The following SNRK variants were observed in gnomAD, a reference collection of about 807,000 sequenced individuals.
SNRK encodes the protein SNF-related serine/threonine-protein kinase.
Under a neutral mutation model 48.2 loss-of-function variants are expected in SNRK, and 3 were observed. The ratio of observed to expected loss-of-function variants is 0.06; its 90% confidence interval spans 0.03 to 0.16. The LOEUF is 0.16. Ranked by LOEUF, SNRK falls within the 10% of genes least tolerant of loss-of-function variation. The pLI is 1.00. For missense variants in SNRK, 627 were observed against 976.0 expected (o/e 0.64, Z 4.76); for synonymous variants, 376 against 366.1 (o/e 1.03, Z -0.31).
chr3:43,305,831 G>A (rs2090933562), intron 3 of SNRK, among the ~76,000 whole-genome samples: 1 of 152,080 alleles, frequency 6.6e-6, no homozygotes, highest in South Asian at 2.1e-4. Context: ...GTTATATATT[G>A]TTTAGGAGTA....
intron 1 of SNRK, among the ~76,000 whole-genome samples, chr3:43,297,542 C>T (rs72863622): frequency 0.053 from 8,108 of 151,782 alleles, 590 homozygotes; most frequent in African/African-American, 0.17. Context: ...AAATGTAAAG[C>T]GATGTTATCA....
intron 3 of SNRK, among the ~76,000 whole-genome samples, chr3:43,309,612 G>GTTTTTTTTTTTTT (rs35398476): frequency 7.0e-6 from 1 of 143,196 alleles, no homozygotes; most frequent in Non-Finnish European, 1.5e-5. Context: ...TAGAAATAAG[G>GTTTTTTTTTTTTT]TTTTTTTTTT....
chr3:43,342,631 G>A (rs896622581), intron 5 of SNRK, among the ~76,000 whole-genome samples: 3 of 152,168 alleles, frequency 2.0e-5, no homozygotes, highest in South Asian at 2.1e-4. Context: ...TGTGGAATCC[G>A]CCAAAGCCAA....
Position 43,348,073 on chromosome 3 carries a change from G to A in SNRK, c.1814G>A (p.Gly605Glu), listed in dbSNP as rs927235415. Reference sequence around the variant, plus strand: ...AGCCCCAGTGAGAACAATGCTGGTGGGGGCAGTCCCTCCAGCGGCTCGGGT... The same window carrying A: ...AGCCCCAGTGAGAACAATGCTGGTGAGGGCAGTCCCTCCAGCGGCTCGGGT... Reference protein sequence around the residue: ...KASPSENNAGGGSPSSGSGGN... With the variant: ...KASPSENNAGEGSPSSGSGGN... The change falls in exon 7 of 7, where the codon GGG becomes GAG. Residue 605 changes from glycine (G) to glutamate (E), a missense_variant. By Grantham distance (98) the Gly-to-Glu change is moderately conservative. Coordinates refer to ENST00000296088, the MANE Select transcript of SNRK (RefSeq NM_017719.5). 6 of 1,598,994 alleles carry A rather than the reference G, an allele frequency of 3.8e-6. No individual in the cohort carries two copies. In the African/African-American group the frequency reaches 6.7e-5, roughly 18 times the overall value.
intron 3 of SNRK, among the ~76,000 whole-genome samples, chr3:43,304,471 CA>C (rs1363846838): frequency 6.6e-6 from 1 of 152,202 alleles, no homozygotes; most frequent in East Asian, 1.9e-4. Context: ...TCCCTCTCCA[CA>C]CACTTTGTGC....
chr3:43,294,279 G>A (rs2090835370), intron 1 of SNRK, among the ~76,000 whole-genome samples: 1 of 152,124 alleles, frequency 6.6e-6, no homozygotes, highest in Non-Finnish European at 1.5e-5. Flanking sequence ...AGCATCAGAA[G>A]TGTTTTGAAT....
At chr3:43,307,398 T>A (rs970089804) in intron 3 of SNRK, among the ~76,000 whole-genome samples, 1 of 152,216 alleles carries the variant, frequency 6.6e-6, no homozygotes, top group Non-Finnish European at 1.5e-5. Flanking sequence ...GTTTTTTTGT[T>A]TATTTACAAA....
intron 3 of SNRK, among the ~76,000 whole-genome samples, chr3:43,318,448 A>G (rs73831252): frequency 0.025 from 3,806 of 152,214 alleles, 160 homozygotes; most frequent in African/African-American, 0.084. Context: ...AACAGTAGCT[A>G]TTTTAGTACA....
intron 3 of SNRK, among the ~76,000 whole-genome samples, chr3:43,312,399 AGAC>A (rs1196996328): frequency 6.6e-6 from 1 of 152,204 alleles, no homozygotes; most frequent in African/African-American, 2.4e-5. Context: ...GTAAAAAACT[AGAC>A]ATCTTTTCTT....
At chr3:43,331,964 C>T (rs1219008078) in intron 3 of SNRK, among the ~76,000 whole-genome samples, 1 of 152,222 alleles carries the variant, frequency 6.6e-6, no homozygotes, top group Admixed American at 6.5e-5. Flanking sequence ...TGACCATTCA[C>T]TGTGTACTAG....
At chr3:43,287,468 T>G (rs1028841118) in intron 1 of SNRK, among the ~76,000 whole-genome samples, 3 of 152,148 alleles carry the variant, frequency 2.0e-5, no homozygotes, top group Non-Finnish European at 2.9e-5. Context: ...ATAGGGAGTT[T>G]CAGGCTTTGG....
intron 2 of SNRK, among the ~76,000 whole-genome samples, chr3:43,301,313 T>C (rs1300717382): frequency 2.0e-5 from 3 of 152,222 alleles, no homozygotes; most frequent in South Asian, 4.1e-4. Flanking sequence ...ATTTTAACTC[T>C]AAAAATAATA....
chr3:43,347,820 A>G lies in SNRK; in HGVS notation c.1561A>G (p.Thr521Ala). The G allele has an allele frequency of 2.5e-6, 4 of 1,614,136 alleles. No homozygotes were observed. The highest frequency in any genetic ancestry group is 3.4e-6 in the Non-Finnish European group (4 of 1,180,030). Reference sequence around the variant, plus strand: ...AAAGATGAATATAGCTTCTCCAGGTACAGTTCACAAACGCTACCACCGGAG... The same window carrying G: ...AAAGATGAATATAGCTTCTCCAGGTGCAGTTCACAAACGCTACCACCGGAG... ...RLKMNIASPG[T>A]VHKRYHRRKS... Residue 521 changes from threonine (T) to alanine (A), a missense_variant, in exon 7 of 7, where the codon ACA becomes GCA. Thr to Ala is a moderately conservative substitution (Grantham distance 58, BLOSUM62 0). This residue lies in a region of SNRK where 98 missense variants were observed against 175.2 expected (regional missense o/e 0.56). Coordinates refer to ENST00000296088, the MANE Select transcript of SNRK (RefSeq NM_017719.5). The surrounding 1 kb of genome is among the most constrained non-coding windows in gnomAD (Gnocchi z 5.4).
At chr3:43,305,814 A>G (rs1052721906) in intron 3 of SNRK, among the ~76,000 whole-genome samples, 1 of 152,120 alleles carries the variant, frequency 6.6e-6, no homozygotes, top group African/African-American at 2.4e-5. Flanking sequence ...AAAACATACA[A>G]AGCAGTGTTA....
chr3:43,348,108 A>G lies in SNRK; in HGVS notation c.1849A>G (p.Thr617Ala). ...CTCCAGCGGCTCGGGTGGCAACCCC[A>G]CCAATACATCGGGTACCACACGCCG... ...SPSSGSGGNP[T>A]NTSGTTRRCA... The change falls in exon 7 of 7, where the codon ACC (threonine) becomes GCC (alanine). Residue 617 changes from threonine (T) to alanine (A), a missense_variant. By Grantham distance (58) the Thr-to-Ala change is moderately conservative. Coordinates refer to ENST00000296088, the MANE Select transcript of SNRK (RefSeq NM_017719.5). 1 of 1,588,046 alleles carries G rather than the reference A, an allele frequency of 6.3e-7. No individual in the cohort carries two copies. Among genetic ancestry groups the G allele is most frequent in the Non-Finnish European group, 8.6e-7 (1 of 1,167,342 alleles).
At chr3:43,344,530 C>A (rs1276671665) in intron 6 of SNRK, among the ~76,000 whole-genome samples, 1 of 152,084 alleles carries the variant, frequency 6.6e-6, no homozygotes, top group Non-Finnish European at 1.5e-5. Flanking sequence ...GCCATGTGAA[C>A]TTTGTTGCTT....
At chr3:43,318,149 C>T (rs558999051) in intron 3 of SNRK, among the ~76,000 whole-genome samples, 1 of 152,212 alleles carries the variant, frequency 6.6e-6, no homozygotes, top group African/African-American at 2.4e-5. Context: ...GTACCCTTGT[C>T]CCCTTTGGAA....
At chr3:43,290,161 C>T (rs1026730844) in intron 1 of SNRK, among the ~76,000 whole-genome samples, 1 of 152,150 alleles carries the variant, frequency 6.6e-6, no homozygotes, top group African/African-American at 2.4e-5. Context: ...TCTTTGAAGG[C>T]AGAGACTACT....
chr3:43,323,883 C>T (rs1327508401), intron 3 of SNRK, among the ~76,000 whole-genome samples: 1 of 152,104 alleles, frequency 6.6e-6, no homozygotes, highest in African/African-American at 2.4e-5. Context: ...CTAGGCAAAA[C>T]TTGCAAGGAC....
Sources: gnomAD v4.1 joint callset for allele counts (sites outside exome capture counted in the v4.1 genomes callset) on GRCh38, gnomAD v4.1.1 for gene constraint, gnomAD v4.1.1 regional missense constraint, Gnocchi (gnomAD v3.1) non-coding constraint, MANE v1.5 for transcripts, NCBI Gene and HGNC (gene_info 2026-07-23, HGNC 2026-07-21) for gene names.